The following EXOC3L2 variants were observed in gnomAD, a reference collection of about 807,000 sequenced individuals.
EXOC3L2 encodes the protein exocyst complex component 3-like protein 2.
A neutral mutation model predicts 44.4 loss-of-function variants in EXOC3L2; 17 were observed. The observed-to-expected ratio is 0.38, with a 90% CI of 0.26 to 0.57. The LOEUF (loss-of-function observed/expected upper bound fraction) is 0.57, where lower values mean the gene tolerates loss of function less well. EXOC3L2 is among the 20% of genes least tolerant of loss of function. The pLI, the probability that EXOC3L2 is intolerant of heterozygous loss-of-function variation, is 0.65. For synonymous variants in EXOC3L2, 256 were observed against 253.7 expected, an observed-to-expected ratio of 1.01 and a Z score of -0.09; for missense variants, 541 against 588.4, an observed-to-expected ratio of 0.92 and a Z score of 0.83.
At chr19:45,229,913 T>C (rs1970012197) in intron 4 of EXOC3L2, among the ~76,000 whole-genome samples, 1 of 148,444 alleles carries the variant, frequency 6.7e-6, no homozygotes, top group African/African-American at 2.5e-5. Context: ...TTATTTATAA[T>C]ATACACATTT....
At position 45,228,072 on chromosome 19, in the gene EXOC3L2, C is replaced by T. The variant is rs1274453677; in HGVS notation, c.1374G>A (p.Leu458=). 1.9e-6 allele frequency: 3 copies of T among 1,614,050 alleles called. No individual in the cohort carries two copies. The highest frequency in any genetic ancestry group is 2.2e-5 in the South Asian group (2 of 91,088). ...PSSLAQDVCE[L]LEEHTERAPR... Reference sequence around the variant, plus strand: ...GTGCTCGCTCTGTGTGCTCTTCCAGCAGCTGTGAGGTCCAGGGCGACAAGA... The same window carrying T: ...GTGCTCGCTCTGTGTGCTCTTCCAGTAGCTGTGAGGTCCAGGGCGACAAGA... The change falls in exon 6 of 12, where the codon CTG becomes CTA. Residue 458 remains leucine, a splice_region_variant and synonymous_variant. Transcript: ENST00000413988.
At chr19:45,219,372 TAAC>T (rs1013933551) in intron 8 of EXOC3L2, among the ~76,000 whole-genome samples, 2 of 103,698 alleles carry the variant, frequency 1.9e-5, no homozygotes, top group African/African-American at 8.1e-5. Context: ...CCAGCCTGGG[TAAC>T]AGAGGGAGGC....
At chr19:45,235,341 G>T (rs562242305) in intron 2 of EXOC3L2, among the ~76,000 whole-genome samples, 1 of 152,126 alleles carries the variant, frequency 6.6e-6, no homozygotes, top group Non-Finnish European at 1.5e-5. Context: ...AAAGAAAAAT[G>T]CCTGTGACTG....
intron 1 of EXOC3L2, among the ~76,000 whole-genome samples, chr19:45,240,527 C>T (rs937175195): frequency 2.0e-5 from 3 of 152,040 alleles, no homozygotes; most frequent in African/African-American, 7.2e-5. Flanking sequence ...GAAAGGAAGA[C>T]ACTCTGGAAC....
At chr19:45,230,182 A>G (rs896699794) in intron 4 of EXOC3L2, among the ~76,000 whole-genome samples, 1 of 151,374 alleles carries the variant, frequency 6.6e-6, no homozygotes, top group African/African-American at 2.4e-5. Flanking sequence ...CACCACACCC[A>G]GCTAACTTTT....
chr19:45,229,435 T>C (rs992582797), intron 4 of EXOC3L2, among the ~76,000 whole-genome samples: 5 of 147,052 alleles, frequency 3.4e-5, no homozygotes, highest in African/African-American at 1.2e-4. Flanking sequence ...GTTATTTATA[T>C]ATTAATAATT....
chr19:45,225,726 G>A (rs936150091), intron 7 of EXOC3L2, among the ~76,000 whole-genome samples: 1 of 149,304 alleles, frequency 6.7e-6, no homozygotes, highest in Non-Finnish European at 1.5e-5. Context: ...AGGTTCAAGT[G>A]AGTCTCCTGC....
chr19:45,229,252 A>AGT, intron 4 of EXOC3L2, among the ~76,000 whole-genome samples: 1 of 123,016 alleles, frequency 8.1e-6, no homozygotes, highest in African/African-American at 3.3e-5. Flanking sequence ...AAATATATAC[A>AGT]TATATTTATG....
chr19:45,219,529 A>C (rs1969875646), intron 8 of EXOC3L2, among the ~76,000 whole-genome samples: 1 of 152,088 alleles, frequency 6.6e-6, no homozygotes, highest in Non-Finnish European at 1.5e-5. Context: ...GGTTGAGAAA[A>C]CATGTTCCCC....
At chr19:45,213,530 C>T (rs1444398037) in intron 11 of EXOC3L2, among the ~76,000 whole-genome samples, 173 bp from the exon 12 acceptor site, 1 of 152,090 alleles carries the variant, frequency 6.6e-6, no homozygotes, top group Non-Finnish European at 1.5e-5. Context: ...CCCAGGCCCT[C>T]ACCTCATACC....
chr19:45,236,465 C>CAAAAAAA (rs34024056), intron 2 of EXOC3L2, among the ~76,000 whole-genome samples: 4 of 44,982 alleles, frequency 8.9e-5, no homozygotes, highest in African/African-American at 2.7e-4. Flanking sequence ...GACTCCATCT[C>CAAAAAAA]AAAAAAAAAA....
intron 11 of EXOC3L2, 70 bp downstream of exon 11, chr19:45,216,003 G>A: frequency 6.3e-7 from 1 of 1,591,714 alleles, no homozygotes; most frequent in Non-Finnish European, 8.6e-7. Flanking sequence ...GAAGCACAGG[G>A]ACGGATGCCA....
chr19:45,240,075 G>A (rs2122993679), intron 1 of EXOC3L2, among the ~76,000 whole-genome samples: 1 of 151,374 alleles, frequency 6.6e-6, no homozygotes, highest in African/African-American at 2.4e-5. Flanking sequence ...AAACTTATTG[G>A]GAAATGTCTA....
chr19:45,218,135 TC>T, intron 9 of EXOC3L2, 61 bp downstream of exon 9: 1 of 1,307,964 alleles, frequency 7.6e-7, no homozygotes, highest in Non-Finnish European at 1.0e-6. Context: ...CCCGTCCCTT[TC>T]CCCTTTCCTC....
intron 4 of EXOC3L2, among the ~76,000 whole-genome samples, chr19:45,229,918 A>C (rs1970012320): frequency 6.7e-6 from 1 of 148,828 alleles, no homozygotes; most frequent in Non-Finnish European, 1.5e-5. Context: ...TATAATATAC[A>C]CATTTATATG....
chr19:45,228,403 G>T, intron 4 of EXOC3L2, 137 bp from the exon 5 acceptor site: 1 of 722,084 alleles, frequency 1.4e-6, no homozygotes. Flanking sequence ...TTGTCAAGGT[G>T]ATGCTGGGGA....
At chr19:45,225,409 C>G (rs1240348832) in intron 7 of EXOC3L2, among the ~76,000 whole-genome samples, 4 of 151,874 alleles carry the variant, frequency 2.6e-5, no homozygotes, top group Non-Finnish European at 1.5e-5. Context: ...GCTGGGACTA[C>G]AGGCGCCCAC....
intron 7 of EXOC3L2, among the ~76,000 whole-genome samples, chr19:45,226,815 C>T (rs868229821): frequency 8.0e-5 from 11 of 137,288 alleles, no homozygotes; most frequent in African/African-American, 2.9e-4. Context: ...TGTAGTGGCG[C>T]GATCTCAGCT....
intron 8 of EXOC3L2, among the ~76,000 whole-genome samples, chr19:45,219,850 G>A (rs1460360562): frequency 2.6e-5 from 4 of 152,092 alleles, no homozygotes; most frequent in East Asian, 1.9e-4. Flanking sequence ...TTTAAAAACC[G>A]TCTTTTGGCC....
Sources: allele counts gnomAD v4.1 joint callset (sites outside exome capture counted in the v4.1 genomes callset), GRCh38; gene constraint gnomAD v4.1.1; transcripts MANE v1.5; gene names NCBI Gene and HGNC (gene_info 2026-07-23, HGNC 2026-07-21).